DLG2: variants seen among roughly 807,000 people sequenced by gnomAD.
DLG2 encodes the protein discs large MAGUK scaffold protein 2.
A neutral mutation model predicts 132.5 loss-of-function variants in DLG2; 45 were observed. That is an observed-to-expected ratio of 0.34 (90% CI 0.27 to 0.44). The LOEUF is 0.44. Among genes scored for constraint, DLG2 ranks in the 20% least tolerant of loss-of-function variants. The pLI is 1.00. For synonymous variants in DLG2, 424 were observed against 419.6 expected (o/e 1.01, Z -0.13); for missense variants, 1,045 against 1,196.9 (o/e 0.87, Z 1.87).
intron 3 of DLG2, among the ~76,000 whole-genome samples, chr11:85,485,420 G>A (rs143089767): frequency 5.3e-5 from 8 of 152,074 alleles, no homozygotes; most frequent in African/African-American, 9.6e-5. Flanking sequence ...TTTAAAATGT[G>A]GAAGGATGGG....
Position 83,889,991 on chromosome 11 carries a change from C to A in DLG2, c.1497-15503G>T, listed in dbSNP as rs192014928. Among the ~76,000 whole-genome samples, 460 of 151,318 alleles carry A rather than the reference C, an allele frequency of 3.0e-3. 4 individuals are homozygous for A. Among genetic ancestry groups the A allele is most frequent in the African/African-American group, 0.011 (447 of 41,230 alleles). ...GGGGGGAGGGGGGAGGGATAGCTTT[C>A]GGAGATATACCTAATGCTAACTGAC... On this transcript the variant is annotated intron_variant, in intron 15 of 27. Transcript: ENST00000376104.
chr11:84,383,442 C>T (rs1331050083), intron 7 of DLG2, among the ~76,000 whole-genome samples: 4 of 152,092 alleles, frequency 2.6e-5, no homozygotes, highest in East Asian at 1.9e-4. Flanking sequence ...GATGGGATGT[C>T]ACCCTCTTTA....
chr11:84,079,067 T>TG (rs1176404842), intron 10 of DLG2, among the ~76,000 whole-genome samples: 3 of 152,180 alleles, frequency 2.0e-5, no homozygotes, highest in Non-Finnish European at 4.4e-5. Context: ...GCACCTGATA[T>TG]GGGGCCCAGG....
intron 18 of DLG2, among the ~76,000 whole-genome samples, chr11:83,748,314 C>A (rs1050497157): frequency 2.6e-5 from 4 of 152,160 alleles, no homozygotes; most frequent in African/African-American, 9.7e-5. Flanking sequence ...GTGGATTAGA[C>A]CTGTATTCTG....
intron 6 of DLG2, among the ~76,000 whole-genome samples, chr11:84,794,483 C>G (rs1047910424): frequency 6.6e-6 from 1 of 152,204 alleles, no homozygotes; most frequent in East Asian, 1.9e-4. Flanking sequence ...CTGGGTGCAG[C>G]TGCAGCCACC....
chr11:83,894,168 C>T (rs1450462354), intron 15 of DLG2, among the ~76,000 whole-genome samples: 4 of 152,164 alleles, frequency 2.6e-5, no homozygotes, highest in African/African-American at 7.2e-5. Context: ...TAACCACCCA[C>T]ATTCTGTTAT....
chr11:84,502,538 G>C (rs1054655527), intron 7 of DLG2, among the ~76,000 whole-genome samples: 5 of 150,664 alleles, frequency 3.3e-5, no homozygotes, highest in African/African-American at 1.2e-4. Flanking sequence ...TGGGACTACA[G>C]GGTCCCGCCA....
intron 4 of DLG2, among the ~76,000 whole-genome samples, chr11:85,259,841 G>A (rs1198740255): frequency 6.6e-6 from 1 of 152,024 alleles, no homozygotes; most frequent in Non-Finnish European, 1.5e-5. Context: ...CTATGGTGAA[G>A]ATGAGTTTAT....
At chr11:85,585,891 T>C (rs966684302) in intron 3 of DLG2, among the ~76,000 whole-genome samples, 11 of 152,104 alleles carry the variant, frequency 7.2e-5, no homozygotes, top group African/African-American at 2.2e-4. Context: ...TTTTTTTGTA[T>C]ATGTTTTTTG....
chr11:84,563,246 A>G (rs1032254656), intron 6 of DLG2, among the ~76,000 whole-genome samples: 6 of 152,234 alleles, frequency 3.9e-5, no homozygotes, highest in Non-Finnish European at 8.8e-5. Flanking sequence ...AGCTATCTCA[A>G]AACATGATGG....
intron 10 of DLG2, among the ~76,000 whole-genome samples, chr11:84,077,845 C>T (rs1186771817): frequency 6.6e-6 from 1 of 152,116 alleles, no homozygotes; most frequent in Non-Finnish European, 1.5e-5. Flanking sequence ...GGAAGTTTTA[C>T]TTCAATATAT....
chr11:83,988,517 A>C (rs987955952), intron 11 of DLG2, among the ~76,000 whole-genome samples: 2 of 152,168 alleles, frequency 1.3e-5, no homozygotes, highest in Non-Finnish European at 2.9e-5. Flanking sequence ...GGCCATTTTC[A>C]TGATACTGAT....
chr11:85,033,386 C>CA (rs750024023), intron 6 of DLG2, among the ~76,000 whole-genome samples: 5,207 of 80,288 alleles, frequency 0.065, 235 homozygotes, highest in African/African-American at 0.14. Flanking sequence ...TATATCCTAG[C>CA]AAAAAAAAAA....
intron 7 of DLG2, among the ~76,000 whole-genome samples, chr11:84,450,475 G>A (rs1164556083): frequency 2.7e-5 from 4 of 150,744 alleles, no homozygotes; most frequent in Admixed American, 6.6e-5. Context: ...CATGAGATGT[G>A]TTTGAGGAGA....
At chr11:84,296,687 A>C (rs915191969) in intron 7 of DLG2, among the ~76,000 whole-genome samples, 1 of 151,916 alleles carries the variant, frequency 6.6e-6, no homozygotes, top group African/African-American at 2.4e-5. Context: ...CAAGCCTCTC[A>C]CCTTACCCTC....
intron 3 of DLG2, among the ~76,000 whole-genome samples, chr11:85,580,340 G>C (rs777569477): frequency 3.9e-5 from 6 of 152,152 alleles, no homozygotes; most frequent in Non-Finnish European, 7.3e-5. Flanking sequence ...TGGCCCAGAA[G>C]TAAGGCAGCC....
intron 6 of DLG2, among the ~76,000 whole-genome samples, chr11:85,012,647 A>G (rs182551104): frequency 8.8e-4 from 134 of 152,336 alleles, no homozygotes; most frequent in African/African-American, 3.2e-3. Flanking sequence ...TTTGCTGATT[A>G]AACAAATAGA....
intron 3 of DLG2, among the ~76,000 whole-genome samples, chr11:85,495,281 A>C (rs2093645226): frequency 6.6e-6 from 1 of 152,210 alleles, no homozygotes; most frequent in Non-Finnish European, 1.5e-5. Context: ...ACTTAAATAG[A>C]AGAATCACAT....
intron 9 of DLG2, among the ~76,000 whole-genome samples, chr11:84,134,352 C>A (rs2094525982): frequency 6.6e-6 from 1 of 152,054 alleles, no homozygotes; most frequent in Non-Finnish European, 1.5e-5. Context: ...TTTTCTTAGG[C>A]TCACACAAAA....
Sources: gnomAD v4.1 joint callset for allele counts (sites outside exome capture counted in the v4.1 genomes callset) on GRCh38, gnomAD v4.1.1 for gene constraint, MANE v1.5 for transcripts, NCBI Gene and HGNC (gene_info 2026-07-23, HGNC 2026-07-21) for gene names.